The following PPFIA3 variants were observed in gnomAD, a reference collection of about 807,000 sequenced individuals.
The protein encoded by PPFIA3 is liprin-alpha-3.
Under a neutral mutation model 145.8 loss-of-function variants are expected in PPFIA3, and 26 were observed. The observed-to-expected ratio is 0.18, with a 90% CI of 0.13 to 0.25. The LOEUF is 0.25. Among genes scored for constraint, PPFIA3 ranks in the 10% least tolerant of loss-of-function variants. PPFIA3 has a pLI of 1.00. For missense variants in PPFIA3, 1,008 were observed against 1,587.8 expected (o/e 0.63, Z 6.21); for synonymous variants, 645 against 661.4 (o/e 0.98, Z 0.38).
Position 49,149,844 on chromosome 19 carries a change from C to A in PPFIA3, c.3526+126C>A. The A allele has an allele frequency of 7.9e-7, 1 of 1,272,902 alleles. No homozygotes were observed. The highest frequency in any genetic ancestry group is 1.1e-6 in the Non-Finnish European group (1 of 940,120). 78.9% of individuals were successfully genotyped at this position (1,272,902 alleles called of 1,614,324 possible). On this transcript the variant is annotated intron_variant, in intron 28 of 29. Coordinates refer to ENST00000334186, the MANE Select transcript of PPFIA3 (RefSeq NM_003660.4). This position sits in a 1 kb window ranked among gnomAD's most constrained non-coding sequence, Gnocchi z 5.7. The stretch of plus-strand genomic sequence containing the variant: ...CCCACCCCTGAGGAATGGACTGCTC[C>A]AACGTTCCGGACTCCCCCGTCAGGA...
chr19:49,135,038 TGTTTG>T, intron 13 of PPFIA3, 123 bp downstream of exon 13: 1 of 734,624 alleles, frequency 1.4e-6, no homozygotes, highest in South Asian at 2.4e-5. Flanking sequence ...TTTTGTTTTT[TGTTTG>T]TTTGTTTGTT....
chr19:49,134,503 C>T lies in PPFIA3; in HGVS notation c.1378-136C>T. On this transcript the variant is annotated intron_variant, in intron 11 of 29. Coordinates refer to ENST00000334186, the MANE Select transcript of PPFIA3 (RefSeq NM_003660.4). ...CAGAAACATCGTTGCCCCTGCTCCC[C>T]CGAAACTCACCACTTGTGTCCATCT... is the stretch of plus-strand genomic sequence containing the variant. 13 of 848,940 alleles carry T rather than the reference C, an allele frequency of 1.5e-5. 1 individual carries two copies. The South Asian group carries it at 1.9e-4, about 12-fold the overall frequency. 52.6% of individuals were successfully genotyped at this position (848,940 alleles called of 1,614,324 possible).
At chr19:49,145,900 C>T in intron 21 of PPFIA3, 43 bp from the exon 22 acceptor site, 2 of 1,580,442 alleles carry the variant, frequency 1.3e-6, no homozygotes, top group East Asian at 2.2e-5. Flanking sequence ...CTCCCCCACG[C>T]GAAGCCCTCT....
At chr19:49,140,799 C>G (rs963335008) in intron 18 of PPFIA3, among the ~76,000 whole-genome samples, 1 of 151,766 alleles carries the variant, frequency 6.6e-6, no homozygotes, top group Non-Finnish European at 1.5e-5. Context: ...GGACTACAGG[C>G]GCCCACCACC....
chr19:49,139,443 T>G (rs1283434743), intron 16 of PPFIA3, among the ~76,000 whole-genome samples: 1 of 149,156 alleles, frequency 6.7e-6, no homozygotes, highest in African/African-American at 2.5e-5. Flanking sequence ...GAGCCGAGAT[T>G]GTGCCATTGC....
At chr19:49,131,424 A>T (rs1304395772) in intron 7 of PPFIA3, among the ~76,000 whole-genome samples, 1 of 146,988 alleles carries the variant, frequency 6.8e-6, no homozygotes, top group Non-Finnish European at 1.5e-5. Context: ...ACCTCAAGTG[A>T]TCAGCTCGCC....
intron 18 of PPFIA3, 32 bp from the exon 19 acceptor site, chr19:49,141,388 T>C (rs1333900662): frequency 6.4e-7 from 1 of 1,564,748 alleles, no homozygotes; most frequent in African/African-American, 1.4e-5. Flanking sequence ...CCCCTTGAGA[T>C]TTTCCAAATT....
In PPFIA3 at chr19:49,137,051, C is replaced by T. The variant is rs530503061; in HGVS notation, c.1853+140C>T. 25 of 784,002 alleles carry T rather than the reference C, an allele frequency of 3.2e-5. No homozygotes were observed. In the South Asian group the frequency reaches 3.6e-4, roughly 11 times the overall value. 48.6% of individuals were successfully genotyped at this position (784,002 alleles called of 1,614,324 possible). On this transcript the variant is annotated intron_variant, in intron 15 of 29. Transcript: ENST00000334186. ...AATTCTTCCAGCCCAACACTCACTCCGCTGTCCAGGCATCCCCTAGGATAC... is the reference window on the plus strand; with the variant it reads ...AATTCTTCCAGCCCAACACTCACTCTGCTGTCCAGGCATCCCCTAGGATAC...
chr19:49,146,827 G>A (rs1379968320), intron 23 of PPFIA3, among the ~76,000 whole-genome samples: 1 of 152,156 alleles, frequency 6.6e-6, no homozygotes, highest in Admixed American at 6.5e-5. Flanking sequence ...CTACTTGGGA[G>A]GCTGAGGCAG....
At chr19:49,121,638 T>C (rs2040937217) in intron 1 of PPFIA3, among the ~76,000 whole-genome samples, 1 of 151,974 alleles carries the variant, frequency 6.6e-6, no homozygotes, top group Non-Finnish European at 1.5e-5. Flanking sequence ...TAGCCAGGCG[T>C]GGTGGCACAT....
rs188202203 is a variant in PPFIA3, at chr19:49,127,258, T to C, written c.-15-601T>C. 7.0e-3 allele frequency among the ~76,000 whole-genome samples: 1,060 copies of C among 151,122 alleles called. 11 individuals are homozygous for C. Among genetic ancestry groups the C allele is most frequent in the African/African-American group, 0.022 (921 of 41,124 alleles). On this transcript the variant is annotated intron_variant, in intron 1 of 29. Transcript: ENST00000334186. ...TTAGCTGGGCATGGTGGCGGGTTCC[T>C]GTAATCCCAGCTACTCGGGAGGCTG...
At position 49,150,090 on chromosome 19, in the gene PPFIA3, T is replaced by C. The variant is rs1339693263; in HGVS notation, c.3537T>C (p.Ser1179=). The stretch of plus-strand genomic sequence containing the variant: ...TCGCTCTCCCTCCAGGCCAGACTTC[T>C]GGGAGTTCCCGGGCAGACGGCGTTT... ...LRKLQPEGQT[S]GSSRADGVSV... The change falls in exon 29 of 30, where the codon TCT becomes TCC. Residue 1179 remains serine (S), a synonymous_variant. Coordinates refer to ENST00000334186, the MANE Select transcript of PPFIA3 (RefSeq NM_003660.4). 3 of 1,610,146 alleles carry C rather than the reference T, an allele frequency of 1.9e-6. No individual in the cohort carries two copies. Among genetic ancestry groups the C allele is most frequent in the African/African-American group, 1.3e-5 (1 of 74,936 alleles).
Position 49,133,187 on chromosome 19 carries a change from G to A in PPFIA3, c.1026+40G>A. 2 of 1,585,298 alleles carry A rather than the reference G, an allele frequency of 1.3e-6. No individual in the cohort carries two copies. Among genetic ancestry groups the A allele is most frequent in the South Asian group, 1.1e-5 (1 of 87,492 alleles). On this transcript the variant is annotated intron_variant, in intron 8 of 29. Coordinates refer to ENST00000334186, the MANE Select transcript of PPFIA3 (RefSeq NM_003660.4). The surrounding 1 kb of genome is among the most constrained non-coding windows in gnomAD (Gnocchi z 7.2). ...GGGAGGGGCGATGGGGGCGGTGCCG[G>A]GGCCCAAGTGACCCAGCCCGTCCCC...
Position 49,133,961 on chromosome 19 carries a change from G to T in PPFIA3, c.1246-73G>T. 1 of 1,606,096 alleles carries T rather than the reference G, an allele frequency of 6.2e-7. No homozygotes were observed. The highest frequency in any genetic ancestry group is 8.5e-7 in the Non-Finnish European group (1 of 1,175,846). ...ATAAGGAGGCTGGGCTGGGCCCGGG[G>T]GTGGGGCTTAGAGGAAGGGCCGTGG... On this transcript the variant is annotated intron_variant, in intron 10 of 29. Transcript: ENST00000334186. The surrounding 1 kb of genome is among the most constrained non-coding windows in gnomAD (Gnocchi z 7.2).
At chr19:49,136,037 T>G in intron 14 of PPFIA3, 114 bp downstream of exon 14, 42 of 1,232,110 alleles carry the variant, frequency 3.4e-5, no homozygotes, top group African/African-American at 4.6e-5. Flanking sequence ...GCAGGATCTC[T>G]TGGACTCATC....
In PPFIA3 at chr19:49,129,319, G is replaced by C. The variant is rs746835859; in HGVS notation, c.508-61G>C. On this transcript the variant is annotated intron_variant, in intron 4 of 29. Coordinates refer to ENST00000334186, the MANE Select transcript of PPFIA3 (RefSeq NM_003660.4). ...CCGTCCCAGGGGTGTTCTGGACCAG[G>C]GGCAACTGTCCTAAACTGGATCTTG... The C allele has an allele frequency of 2.0e-6, 3 of 1,517,530 alleles. No homozygotes were observed. The Admixed American group carries it at 6.0e-5, about 30-fold the overall frequency. 94.0% of individuals were successfully genotyped at this position (1,517,530 alleles called of 1,614,324 possible).
chr19:49,148,522 C>T (rs2041305127), intron 24 of PPFIA3, 144 bp from the exon 25 acceptor site: 4 of 771,260 alleles, frequency 5.2e-6, no homozygotes, highest in Non-Finnish European at 8.5e-6. Context: ...AATGCCTCAC[C>T]TCCTGAGGGG....
At chr19:49,143,951 T>C (rs2041253312) in intron 21 of PPFIA3, among the ~76,000 whole-genome samples, 1 of 152,216 alleles carries the variant, frequency 6.6e-6, no homozygotes, top group African/African-American at 2.4e-5. Flanking sequence ...TTATGTTTCA[T>C]ATGCATCTCA....
rs1600334896 is a variant in PPFIA3 at position 49,133,765 on chromosome 19, T to G, written c.1162-31T>G. ...GGGAGCCTGACTGATCCTGGAAGGG[T>G]AAGTCACACGCCATGGGTTCCATCT... On this transcript the variant is annotated intron_variant, in intron 9 of 29. Coordinates refer to ENST00000334186, the MANE Select transcript of PPFIA3 (RefSeq NM_003660.4). The surrounding 1 kb of genome is among the most constrained non-coding windows in gnomAD (Gnocchi z 7.2). The G allele has an allele frequency of 6.2e-7, 1 of 1,606,100 alleles. No individual in the cohort carries two copies. Among genetic ancestry groups the G allele is most frequent in the Non-Finnish European group, 8.5e-7 (1 of 1,175,202 alleles).
Sources: gnomAD v4.1 joint callset for allele counts (sites outside exome capture counted in the v4.1 genomes callset) on GRCh38, gnomAD v4.1.1 for gene constraint, Gnocchi (gnomAD v3.1) non-coding constraint, MANE v1.5 for transcripts, NCBI Gene and HGNC (gene_info 2026-07-23, HGNC 2026-07-21) for gene names.